KCNJ15: variants seen among roughly 807,000 people sequenced by gnomAD.
The protein encoded by KCNJ15 is potassium inwardly rectifying channel subfamily J member 15, also known as ATP-sensitive inward rectifier potassium channel 15.
KCNJ15 carries 14 observed loss-of-function variants against 23.0 expected under a neutral mutation model. The ratio of observed to expected loss-of-function variants is 0.61; its 90% CI spans 0.40 to 0.95. KCNJ15 has a LOEUF of 0.95. KCNJ15 is among the 40% of genes least tolerant of loss of function. The probability of loss-of-function intolerance (pLI) is 0.00; values close to 1 mark genes in which losing one functional copy is unlikely to be tolerated. For missense variants in KCNJ15, 388 were observed against 461.8 expected, an observed-to-expected ratio of 0.84 and a Z score of 1.46; for synonymous variants, 185 against 183.2, an observed-to-expected ratio of 1.01 and a Z score of -0.08.
At chr21:38,286,437 C>G (rs1235540375) in intron 1 of KCNJ15, among the ~76,000 whole-genome samples, 3 of 152,144 alleles carry the variant, frequency 2.0e-5, no homozygotes, top group Admixed American at 1.3e-4. Flanking sequence ...GGAATGTCTC[C>G]TCATTGGTCT....
chr21:38,246,318 G>A (rs890514558), intron 1 of KCNJ15, among the ~76,000 whole-genome samples: 3 of 152,170 alleles, frequency 2.0e-5, no homozygotes, highest in Non-Finnish European at 4.4e-5. Context: ...GCTCACTAGA[G>A]TTTTTTGCGT....
rs147734714 is a variant in KCNJ15, at chr21:38,299,941, G to A, written c.680G>A (p.Arg227Gln). Residue 227 changes from arginine (R) to glutamine (Q), a missense_variant, in exon 3 of 3, where the codon CGG becomes CAG. Coordinates refer to ENST00000398938, the MANE Select transcript of KCNJ15 (RefSeq NM_170736.3). This position sits in a 1 kb window ranked among gnomAD's most constrained non-coding sequence, Gnocchi z 4.5. ...ACCCACGTCACCAAGGAGGGGGAGC[G>A]GATTCTCCTCAACCAAGCCACTGTC... ...LQTHVTKEGE[R>Q]ILLNQATVKF... 211 of 1,613,936 alleles carry A rather than the reference G, an allele frequency of 1.3e-4. 6 individuals are homozygous for A. The Admixed American group carries it at 3.4e-3, about 26-fold the overall frequency.
upstream of KCNJ15, among the ~76,000 whole-genome samples, chr21:38,254,778 A>T (rs901689430): frequency 6.6e-6 from 1 of 152,158 alleles, no homozygotes; most frequent in East Asian, 1.9e-4. Flanking sequence ...ACAACTAATC[A>T]TGCCTACATT....
chr21:38,283,248 G>T (rs1905015367), intron 1 of KCNJ15, among the ~76,000 whole-genome samples: 3 of 152,092 alleles, frequency 2.0e-5, no homozygotes, highest in African/African-American at 7.2e-5. Flanking sequence ...AGTAAAATCT[G>T]GAATACTTGG....
intron 1 of KCNJ15, among the ~76,000 whole-genome samples, chr21:38,230,953 A>G (rs771656615): frequency 3.9e-5 from 6 of 152,074 alleles, no homozygotes; most frequent in Admixed American, 2.0e-4. Context: ...GTTTCTACAA[A>G]ATAGCCATTT....
intron 1 of KCNJ15, among the ~76,000 whole-genome samples, chr21:38,245,157 G>A (rs191376009): frequency 1.5e-4 from 23 of 152,032 alleles, no homozygotes; most frequent in Admixed American, 4.6e-4. Flanking sequence ...AAGGCAAGGC[G>A]GGGCTGGAGA....
intron 1 of KCNJ15, among the ~76,000 whole-genome samples, chr21:38,241,405 GC>G (rs1485374448): frequency 6.6e-6 from 1 of 152,198 alleles, no homozygotes; most frequent in African/African-American, 2.4e-5. Flanking sequence ...GGCAGGGTGA[GC>G]CCACAGTCTC....
chr21:38,242,781 C>T (rs1979099589), intron 1 of KCNJ15, among the ~76,000 whole-genome samples: 2 of 152,280 alleles, frequency 1.3e-5, no homozygotes, highest in Admixed American at 6.5e-5. Context: ...TCCCCCAGCC[C>T]ACATCTTCAT....
intron 1 of KCNJ15, among the ~76,000 whole-genome samples, chr21:38,281,691 T>C (rs1386255690): frequency 6.6e-6 from 1 of 152,228 alleles, no homozygotes; most frequent in Non-Finnish European, 1.5e-5. Context: ...CCTGGCTTGA[T>C]GCCATGTATT....
At chr21:38,275,519 C>CAAAAAAAAAA (rs10709944) in intron 1 of KCNJ15, among the ~76,000 whole-genome samples, 1 of 88,120 alleles carries the variant, frequency 1.1e-5, no homozygotes, top group African/African-American at 4.8e-5. Context: ...GAAACTCCGT[C>CAAAAAAAAAA]AAAAAAAAAA....
Position 38,299,922 on chromosome 21 carries a change from G to C in KCNJ15, c.661G>C (p.Val221Leu), listed in dbSNP as rs768218903. The C allele has an allele frequency of 6.2e-7, 1 of 1,613,908 alleles. No individual in the cohort carries two copies. The highest frequency in any genetic ancestry group is 1.3e-5 in the African/African-American group (1 of 74,904). The part of the protein sequence containing the change: ...QLSGKLLQTH[V>L]TKEGERILLN... ...CTCTGGCAAGCTCCTGCAGACCCAC[G>C]TCACCAAGGAGGGGGAGCGGATTCT... The change falls in exon 3 of 3, where the codon GTC becomes CTC. Residue 221 changes from valine (V) to leucine (L), a missense_variant. By Grantham distance (32) the Val-to-Leu change is conservative. Transcript: ENST00000398938. The surrounding 1 kb of genome is among the most constrained non-coding windows in gnomAD (Gnocchi z 4.5).
At chr21:38,295,498 C>T (rs185216572) in intron 1 of KCNJ15, among the ~76,000 whole-genome samples, 12 of 149,654 alleles carry the variant, frequency 8.0e-5, no homozygotes, top group African/African-American at 2.7e-4. Context: ...GCTTCAGCCT[C>T]GAAAAGCATG....
intron 1 of KCNJ15, among the ~76,000 whole-genome samples, chr21:38,294,944 C>A (rs1255718937): frequency 1.3e-5 from 2 of 152,140 alleles, no homozygotes; most frequent in Non-Finnish European, 2.9e-5. Context: ...AAAATTGCAA[C>A]CCCAACCCAC....
intron 1 of KCNJ15, among the ~76,000 whole-genome samples, chr21:38,259,193 A>T (rs1336634699): frequency 6.6e-6 from 1 of 152,138 alleles, no homozygotes; most frequent in Non-Finnish European, 1.5e-5. Flanking sequence ...ATCCCCTCTC[A>T]TCTGTTTAGA....
chr21:38,231,898 A>C (rs1245002263), intron 1 of KCNJ15, among the ~76,000 whole-genome samples: 1 of 151,834 alleles, frequency 6.6e-6, no homozygotes, highest in African/African-American at 2.4e-5. Flanking sequence ...TTTTGTGTTT[A>C]TATTCGTAAT....
chr21:38,299,766 G>A lies in KCNJ15; in HGVS notation c.505G>A (p.Ala169Thr), dbSNP rs955064637. The A allele has an allele frequency of 5.6e-6, 9 of 1,613,740 alleles. No homozygotes were observed. Among genetic ancestry groups the A allele is most frequent in the African/African-American group, 2.7e-5 (2 of 74,816 alleles). Reference protein sequence around the residue: ...FITGTFLAKIARPKKRAETIK... With the variant: ...FITGTFLAKITRPKKRAETIK... ...CACCGGAACCTTCCTGGCCAAAATC[G>A]CCAGACCCAAAAAGCGGGCTGAGAC... The change falls in exon 3 of 3, where the codon GCC becomes ACC. Residue 169 changes from alanine to threonine, a missense_variant. Transcript: ENST00000398938. The surrounding 1 kb of genome is among the most constrained non-coding windows in gnomAD (Gnocchi z 4.5).
upstream of KCNJ15, among the ~76,000 whole-genome samples, chr21:38,255,388 T>G (rs886344808): frequency 9.2e-5 from 14 of 152,234 alleles, no homozygotes; most frequent in African/African-American, 3.1e-4. Context: ...CTATGGGACT[T>G]TTAGCATATC....
upstream of KCNJ15, among the ~76,000 whole-genome samples, chr21:38,253,440 G>T (rs1979973556): frequency 6.6e-6 from 1 of 152,110 alleles, no homozygotes; most frequent in Non-Finnish European, 1.5e-5. Flanking sequence ...TCTAGGATAA[G>T]GATGGTGAGA....
intron 1 of KCNJ15, among the ~76,000 whole-genome samples, chr21:38,269,563 T>A (rs2123639705): frequency 6.6e-6 from 1 of 152,206 alleles, no homozygotes; most frequent in Middle Eastern, 3.4e-3. Flanking sequence ...GAAGAAGGGA[T>A]AAAGAAAAAG....
Sources: allele counts gnomAD v4.1 joint callset (sites outside exome capture counted in the v4.1 genomes callset), GRCh38; gene constraint gnomAD v4.1.1; non-coding constraint Gnocchi (gnomAD v3.1); transcripts MANE v1.5; gene names NCBI Gene and HGNC (gene_info 2026-07-23, HGNC 2026-07-21).